The following ATP13A5 variants were observed in gnomAD, a reference collection of about 807,000 sequenced individuals.
The protein encoded by ATP13A5 is ATPase 13A5, also known as probable cation-transporting ATPase 13A5.
ATP13A5 carries 149 observed loss-of-function variants against 150.2 expected under a neutral mutation model. The observed-to-expected ratio is 0.99, with a 90% CI of 0.87 to 1.14. The LOEUF is 1.14. Ranked by LOEUF, ATP13A5 falls within the 50% of genes most tolerant of loss-of-function variation. ATP13A5 has a pLI of 0.00. For missense variants in ATP13A5, 1,383 were observed against 1,449.3 expected, an observed-to-expected ratio of 0.95 and a Z score of 0.74; for synonymous variants, 497 against 522.2, an observed-to-expected ratio of 0.95 and a Z score of 0.66.
chr3:193,359,526 C>T (rs995321357), intron 5 of ATP13A5, among the ~76,000 whole-genome samples: 2 of 152,178 alleles, frequency 1.3e-5, no homozygotes, highest in Non-Finnish European at 2.9e-5. Context: ...CACTCGGATT[C>T]CTTTCCTCTG....
chr3:193,347,781 C>A (rs1415258460), intron 7 of ATP13A5, among the ~76,000 whole-genome samples: 2 of 152,154 alleles, frequency 1.3e-5, no homozygotes, highest in East Asian at 3.8e-4. Flanking sequence ...TCTTTCTAAT[C>A]CTTCTCATAA....
chr3:193,378,552 GTCCTAAA>G (rs1465595449), intron 1 of ATP13A5, 104 bp downstream of exon 1: 15 of 965,186 alleles, frequency 1.6e-5, no homozygotes, highest in Non-Finnish European at 2.2e-5. Context: ...ACCTTTCAAG[GTCCTAAA>G]GCCTGAAGCA....
At chr3:193,370,722 T>C (rs527793505) in intron 1 of ATP13A5, among the ~76,000 whole-genome samples, 1 of 152,322 alleles carries the variant, frequency 6.6e-6, no homozygotes, top group Admixed American at 6.5e-5. Context: ...GATGATAAAA[T>C]CCTTCTGAGT....
chr3:193,375,059 G>T (rs1713591419), intron 1 of ATP13A5, among the ~76,000 whole-genome samples: 1 of 152,134 alleles, frequency 6.6e-6, no homozygotes, highest in African/African-American at 2.4e-5. Flanking sequence ...CCCAGTCTGT[G>T]GTCTTCTGTT....
chr3:193,322,512 T>C lies in ATP13A5; in HGVS notation c.1737A>G (p.Lys579=), dbSNP rs1208822396. Residue 579 remains lysine (K), a synonymous_variant, in exon 15 of 30, where the codon AAA becomes AAG. Coordinates refer to ENST00000342358, the MANE Select transcript of ATP13A5 (RefSeq NM_198505.4). ...ATACCTTACTGGCTTTTGGTCCTGG[T>C]TTTATGATGTTTGAAACTGACGTCC... ...KFGTSVSNII[K]PGPKASKSPV... 10 of 1,613,574 alleles carry C rather than the reference T, an allele frequency of 6.2e-6. No individual in the cohort carries two copies. Among genetic ancestry groups the C allele is most frequent in the Non-Finnish European group, 2.5e-6 (3 of 1,179,656 alleles).
At chr3:193,297,621 C>T (rs1718224475) in intron 25 of ATP13A5, among the ~76,000 whole-genome samples, 1 of 152,030 alleles carries the variant, frequency 6.6e-6, no homozygotes, top group Non-Finnish European at 1.5e-5. Flanking sequence ...TATCGTCACC[C>T]TTCTGAGGTT....
chr3:193,277,823 ATTAT>A (rs1717293626), intron 28 of ATP13A5: 1 of 152,168 alleles, frequency 6.6e-6, no homozygotes, highest in South Asian at 2.1e-4. Context: ...TTGATTTTGA[ATTAT>A]TTGTTTGTTT....
chr3:193,299,593 T>A (rs1019430622), intron 24 of ATP13A5, among the ~76,000 whole-genome samples: 1 of 152,146 alleles, frequency 6.6e-6, no homozygotes, highest in Non-Finnish European at 1.5e-5. Flanking sequence ...TAGGCATTGC[T>A]CTCCATCCTC....
chr3:193,281,639 T>G (rs1182161053), intron 27 of ATP13A5, among the ~76,000 whole-genome samples: 1 of 152,204 alleles, frequency 6.6e-6, no homozygotes, highest in East Asian at 1.9e-4. Flanking sequence ...GCAAAGAGTT[T>G]TCTGTTACAT....
At chr3:193,305,793 G>A (rs945405552) in intron 22 of ATP13A5, 125 bp from the exon 23 acceptor site, 5 of 753,456 alleles carry the variant, frequency 6.6e-6, no homozygotes, top group Non-Finnish European at 1.1e-5. Context: ...TTGGGTCTCT[G>A]TTTAATGCTG....
chr3:193,278,004 A>G (rs1163063185), intron 28 of ATP13A5, among the ~76,000 whole-genome samples: 3 of 152,124 alleles, frequency 2.0e-5, no homozygotes, highest in African/African-American at 4.8e-5. Flanking sequence ...GGGTTTTACC[A>G]TGTTGGCCAG....
At chr3:193,330,650 C>A (rs1711596049) in intron 12 of ATP13A5, among the ~76,000 whole-genome samples, 1 of 152,186 alleles carries the variant, frequency 6.6e-6, no homozygotes, top group African/African-American at 2.4e-5. Flanking sequence ...AGCACAGAGA[C>A]AACCTAGCCT....
Position 193,324,996 on chromosome 3 carries a change from G to A in ATP13A5, c.1542C>T (p.Ser514=). 2 of 1,610,900 alleles carry A rather than the reference G, an allele frequency of 1.2e-6. No individual in the cohort carries two copies. Among genetic ancestry groups the A allele is most frequent in the Middle Eastern group, 1.7e-4 (1 of 6,044 alleles). The change falls in exon 14 of 30, where the codon AGC becomes AGT. Residue 514 remains serine (S), a synonymous_variant. Transcript: ENST00000342358. ...ATGGCACAGCCTGGCCTGAGGCAAA[G>A]CTGTGGGCTTCCTGGAAGCTGGTAG... The part of the protein sequence containing the change: ...TADNCFQEAH[S]FASGQAVPWS...
At chr3:193,313,954 G>T in intron 19 of ATP13A5, 79 bp downstream of exon 19, 2 of 1,483,496 alleles carry the variant, frequency 1.3e-6, no homozygotes, top group Non-Finnish European at 9.2e-7. Context: ...GACTCCTGGA[G>T]TTGAGAGAAG....
chr3:193,360,920 A>G (rs139842196), intron 5 of ATP13A5, among the ~76,000 whole-genome samples: 5,350 of 152,148 alleles, frequency 0.035, 152 homozygotes, highest in South Asian at 0.057. Flanking sequence ...CAGGTGAACC[A>G]CCCGCCTTGG....
rs376864061 is a variant in ATP13A5, at chr3:193,290,488, A to G, written c.2849-429T>C. Among the ~76,000 whole-genome samples, 19 of 152,120 alleles carry G rather than the reference A, an allele frequency of 1.2e-4. 1 individual carries two copies. In the South Asian group the frequency reaches 3.5e-3, roughly 28 times the overall value. On this transcript the variant is annotated intron_variant, in intron 25 of 29. Transcript: ENST00000342358. The stretch of plus-strand genomic sequence containing the variant: ...GAGGAATATAGCCAGATTCATCTTC[A>G]TATGCTGGATAATTTAAAAAAAACA...
Position 193,311,837 on chromosome 3 carries a change from A to T in ATP13A5, c.2424T>A (p.His808Gln), listed in dbSNP as rs1380999396. 1 of 1,613,906 alleles carries T rather than the reference A, an allele frequency of 6.2e-7. No homozygotes were observed. Among genetic ancestry groups the T allele is most frequent in the Admixed American group, 1.7e-5 (1 of 60,012 alleles). ...SGKSYQVIFQ[H>Q]FNSLLPKILV... ...TTACTTTTGGAAGCAAGCTGTTGAA[A>T]TGCTGAAATATCACTTGGTATGATT... is the stretch of plus-strand genomic sequence containing the variant. The change falls in exon 20 of 30, where the codon CAT becomes CAA. Residue 808 changes from histidine to glutamine, a missense_variant. Transcript: ENST00000342358.
intron 9 of ATP13A5, among the ~76,000 whole-genome samples, chr3:193,340,324 C>T (rs968974981): frequency 5.9e-5 from 9 of 152,076 alleles, no homozygotes; most frequent in African/African-American, 2.2e-4. Flanking sequence ...GACACCAATA[C>T]GCAACACAGT....
intron 21 of ATP13A5, 51 bp downstream of exon 21, chr3:193,310,587 T>C (rs774885477): frequency 1.2e-5 from 17 of 1,412,816 alleles, no homozygotes; most frequent in East Asian, 4.6e-5. Flanking sequence ...TATTGACCCA[T>C]AGGTAGCAAG....
Sources: allele counts gnomAD v4.1 joint callset (sites outside exome capture counted in the v4.1 genomes callset), GRCh38; gene constraint gnomAD v4.1.1; transcripts MANE v1.5; gene names NCBI Gene and HGNC (gene_info 2026-07-23, HGNC 2026-07-21).